The following WWOX variants were observed in gnomAD, a reference collection of about 807,000 sequenced individuals.
The protein encoded by WWOX is WW domain containing oxidoreductase.
Under a neutral mutation model 46.2 loss-of-function variants are expected in WWOX, and 69 were observed. The observed-to-expected ratio is 1.49, with a 90% CI of 1.23 to 1.82. The LOEUF (loss-of-function observed/expected upper bound fraction) is 1.82. WWOX is among the 40% of genes most tolerant of loss of function. WWOX has a pLI of 0.00. For missense variants in WWOX, 919 were observed against 542.6 expected (o/e 1.69, Z -6.89); for synonymous variants, 359 against 202.6 (o/e 1.77, Z -6.56).
chr16:79,169,033 A>G (rs1477165091), intron 8 of WWOX, among the ~76,000 whole-genome samples: 2 of 152,320 alleles, frequency 1.3e-5, no homozygotes, highest in South Asian at 4.1e-4. Flanking sequence ...GTTATGGAGA[A>G]TCTATTAGAT....
chr16:78,432,390 G>T, intron 7 of WWOX, 98 bp from the exon 8 acceptor site: 1 of 1,506,130 alleles, frequency 6.6e-7, no homozygotes, highest in African/African-American at 1.4e-5. Context: ...ACAGATGTGA[G>T]CCACTGCACC....
intron 8 of WWOX, among the ~76,000 whole-genome samples, chr16:78,773,439 C>T (rs187422659): frequency 2.0e-5 from 3 of 152,180 alleles, no homozygotes; most frequent in African/African-American, 7.2e-5. Context: ...TGGCTCCCCT[C>T]GGGACATTCC....
chr16:79,156,734 C>T lies in WWOX; in HGVS notation c.1057-54874C>T, dbSNP rs1012860707. ...TTCAAATTTAAGAGGGGGGTGGGGGCCTGTGTTCAAAGTCTTAAGAATATC... is the reference window on the plus strand; with the variant it reads ...TTCAAATTTAAGAGGGGGGTGGGGGTCTGTGTTCAAAGTCTTAAGAATATC... On this transcript the variant is annotated intron_variant, in intron 8 of 8. Transcript: ENST00000566780. Among the ~76,000 whole-genome samples, 3 of 151,660 alleles carry T rather than the reference C, an allele frequency of 2.0e-5. No homozygotes were observed. The East Asian group carries it at 5.8e-4, about 29-fold the overall frequency.
intron 1 of WWOX, among the ~76,000 whole-genome samples, chr16:78,103,063 C>A (rs2031902033): frequency 6.6e-6 from 1 of 152,126 alleles, no homozygotes; most frequent in South Asian, 2.1e-4. Flanking sequence ...CCCTGGGGCT[C>A]CCTTGCTCCT....
At chr16:78,616,129 C>A (rs758980405) in intron 8 of WWOX, among the ~76,000 whole-genome samples, 5 of 152,012 alleles carry the variant, frequency 3.3e-5, no homozygotes, top group African/African-American at 4.8e-5. Context: ...TGTCTTTGGC[C>A]TGGAAAGGGT....
At chr16:78,336,745 A>G (rs2080898932) in intron 5 of WWOX, among the ~76,000 whole-genome samples, 1 of 152,080 alleles carries the variant, frequency 6.6e-6, no homozygotes, top group Non-Finnish European at 1.5e-5. Flanking sequence ...TGGCTTATAA[A>G]AATGGTATTT....
chr16:79,196,024 C>T (rs771721163), intron 8 of WWOX, among the ~76,000 whole-genome samples: 17 of 152,266 alleles, frequency 1.1e-4, no homozygotes, highest in Middle Eastern at 3.4e-3. Context: ...CTAGTACTGA[C>T]GCTTCTCATG....
chr16:78,520,762 C>G (rs1238703195), intron 8 of WWOX, among the ~76,000 whole-genome samples: 1 of 152,132 alleles, frequency 6.6e-6, no homozygotes, highest in Non-Finnish European at 1.5e-5. Context: ...TCCCTAAATC[C>G]CAGGGCCAGA....
chr16:79,174,816 A>G (rs759162020), intron 8 of WWOX, among the ~76,000 whole-genome samples: 20 of 152,332 alleles, frequency 1.3e-4, no homozygotes, highest in Non-Finnish European at 1.9e-4. Flanking sequence ...AGAAATATTA[A>G]TACTAATTAA....
chr16:78,447,690 A>G (rs2083593886), intron 8 of WWOX, among the ~76,000 whole-genome samples: 1 of 152,238 alleles, frequency 6.6e-6, no homozygotes, highest in Admixed American at 6.5e-5. Flanking sequence ...GCAGGATTCC[A>G]TTTCACAAAC....
intron 8 of WWOX, among the ~76,000 whole-genome samples, chr16:78,869,900 A>C (rs114020640): frequency 1.3e-5 from 2 of 152,192 alleles, no homozygotes; most frequent in Non-Finnish European, 2.9e-5. Flanking sequence ...AGGGGCCAGC[A>C]CATTTGGAGA....
intron 8 of WWOX, among the ~76,000 whole-genome samples, chr16:78,916,778 C>T (rs1023063324): frequency 3.9e-5 from 6 of 152,212 alleles, no homozygotes; most frequent in South Asian, 4.1e-4. Context: ...CCAATTGTTA[C>T]AACCCAGGGT....
chr16:78,533,426 T>A (rs200767502), intron 8 of WWOX, among the ~76,000 whole-genome samples: 1 of 142,354 alleles, frequency 7.0e-6, no homozygotes, highest in African/African-American at 2.7e-5. Flanking sequence ...AAAAAAAAAA[T>A]CCCCAAAAAA....
intron 8 of WWOX, among the ~76,000 whole-genome samples, chr16:78,636,941 G>T (rs906796989): frequency 6.6e-6 from 1 of 152,178 alleles, no homozygotes; most frequent in African/African-American, 2.4e-5. Flanking sequence ...GGTCATAGAG[G>T]GTGGTGTGGT....
At chr16:78,354,582 C>T (rs954449601) in intron 5 of WWOX, among the ~76,000 whole-genome samples, 4 of 152,044 alleles carry the variant, frequency 2.6e-5, no homozygotes, top group Admixed American at 1.3e-4. Context: ...TCCAGCAAGC[C>T]ACTTTTAAAG....
intron 8 of WWOX, among the ~76,000 whole-genome samples, chr16:78,788,917 T>A (rs1207255750): frequency 6.6e-6 from 1 of 152,206 alleles, no homozygotes; most frequent in African/African-American, 2.4e-5. Context: ...CTGCTTAGTA[T>A]GTGGGGAAAG....
chr16:78,122,731 AAT>A (rs2033160153), intron 4 of WWOX, among the ~76,000 whole-genome samples: 5 of 151,686 alleles, frequency 3.3e-5, no homozygotes, highest in African/African-American at 4.8e-5. Flanking sequence ...CAGCCTCCTG[AAT>A]AGCTGGGATT....
At chr16:78,587,115 T>A (rs894940855) in intron 8 of WWOX, among the ~76,000 whole-genome samples, 117 of 150,146 alleles carry the variant, frequency 7.8e-4, no homozygotes, top group African/African-American at 2.8e-3. Context: ...AGCCTTGACC[T>A]CCCAGGCTCA....
At chr16:78,935,460 A>G (rs1020321590) in intron 8 of WWOX, among the ~76,000 whole-genome samples, 8 of 152,178 alleles carry the variant, frequency 5.3e-5, no homozygotes, top group African/African-American at 1.7e-4. Context: ...TTGTAGGGAC[A>G]TGGATGAAGC....
Sources: gnomAD v4.1 joint callset for allele counts (sites outside exome capture counted in the v4.1 genomes callset) on GRCh38, gnomAD v4.1.1 for gene constraint, MANE v1.5 for transcripts, NCBI Gene and HGNC (gene_info 2026-07-23, HGNC 2026-07-21) for gene names.